TMPRSS7: variants seen among roughly 807,000 people sequenced by gnomAD.
TMPRSS7 encodes the protein transmembrane protease serine 7.
In TMPRSS7, 81 loss-of-function variants were observed where a neutral mutation model predicts 95.6. That is an observed-to-expected ratio of 0.85 (90% CI 0.71 to 1.02). TMPRSS7 has a LOEUF of 1.02. TMPRSS7 is among the 50% of genes least tolerant of loss of function. TMPRSS7 has a pLI of 0.00. For missense variants in TMPRSS7, 945 were observed against 955.2 expected (o/e 0.99, Z 0.14); for synonymous variants, 364 against 337.8 (o/e 1.08, Z -0.85).
At chr3:112,038,343 C>G in intron 2 of TMPRSS7, 22 bp downstream of exon 2, 1 of 698,470 alleles carries the variant, frequency 1.4e-6, no homozygotes, top group Non-Finnish European at 2.6e-6. Context: ...ATCTGTGTTT[C>G]TTTGGGGTTA....
At chr3:112,040,055 A>G (rs2107735710) in intron 2 of TMPRSS7, among the ~76,000 whole-genome samples, 2 of 149,196 alleles carry the variant, frequency 1.3e-5, no homozygotes, top group South Asian at 4.3e-4. Context: ...CCACCCCCAC[A>G]TTTGGTGACA....
At chr3:112,078,367 A>T (rs2073738200) in intron 16 of TMPRSS7, among the ~76,000 whole-genome samples, 1 of 152,236 alleles carries the variant, frequency 6.6e-6, no homozygotes, top group African/African-American at 2.4e-5. Context: ...AGAGACTCCC[A>T]TATATCAGTT....
intron 4 of TMPRSS7, 114 bp downstream of exon 4, chr3:112,044,436 G>A: frequency 2.3e-6 from 2 of 853,896 alleles, no homozygotes; most frequent in Admixed American, 2.0e-5. Context: ...AAGTGGTTGG[G>A]GATTCATACT....
intron 17 of TMPRSS7, among the ~76,000 whole-genome samples, chr3:112,079,524 A>AT (rs1211584567): frequency 1.6e-4 from 24 of 151,534 alleles, no homozygotes; most frequent in Admixed American, 2.6e-4. Context: ...ACATCATGAG[A>AT]TTTTTTTTTG....
intron 9 of TMPRSS7, among the ~76,000 whole-genome samples, chr3:112,052,661 A>G (rs1026208768): frequency 3.3e-5 from 5 of 152,110 alleles, no homozygotes; most frequent in African/African-American, 4.8e-5. Flanking sequence ...AGGGAAAGGA[A>G]ACAAATCTCC....
intron 10 of TMPRSS7, among the ~76,000 whole-genome samples, chr3:112,060,218 C>T (rs1392017148): frequency 1.3e-5 from 2 of 152,126 alleles, no homozygotes. Flanking sequence ...CAAATGGAGG[C>T]AGGGCGAGAT....
chr3:112,066,474 T>C (rs376418894), exon 13 of TMPRSS7: 208 of 1,613,854 alleles, frequency 1.3e-4, no homozygotes, highest in Admixed American at 2.2e-4. Flanking sequence ...ACTGTGAGAA[T>C]GGCCGGGATG....
chr3:112,035,032 T>C, intron 1 of TMPRSS7, 139 bp downstream of exon 1: 1 of 618,308 alleles, frequency 1.6e-6, no homozygotes, highest in Non-Finnish European at 2.9e-6. Flanking sequence ...AATTAATGGG[T>C]TTTACAAATG....
At chr3:112,071,404 A>G (rs1372310384) in intron 13 of TMPRSS7, among the ~76,000 whole-genome samples, 1 of 152,064 alleles carries the variant, frequency 6.6e-6, no homozygotes, top group African/African-American at 2.4e-5. Context: ...CAACCTTGGC[A>G]AATCTGACAA....
At chr3:112,068,249 C>T (rs928215929) in intron 13 of TMPRSS7, among the ~76,000 whole-genome samples, 3 of 152,164 alleles carry the variant, frequency 2.0e-5, no homozygotes, top group African/African-American at 7.2e-5. Context: ...AATTTGAAAT[C>T]AGGTAGCGTG....
intron 13 of TMPRSS7, among the ~76,000 whole-genome samples, chr3:112,070,957 T>C (rs2073638668): frequency 6.6e-6 from 1 of 152,232 alleles, no homozygotes; most frequent in Non-Finnish European, 1.5e-5. Context: ...TTAAGGTTAA[T>C]ATTGTTATGT....
At chr3:112,047,009 T>G in exon 6 of TMPRSS7, 1 of 702,632 alleles carries the variant, frequency 1.4e-6, no homozygotes, top group Non-Finnish European at 2.6e-6. Flanking sequence ...AACCATAGGA[T>G]CTGGTAAATT....
chr3:112,035,933 A>G (rs1047987021), intron 1 of TMPRSS7, among the ~76,000 whole-genome samples: 1 of 152,200 alleles, frequency 6.6e-6, no homozygotes, highest in African/African-American at 2.4e-5. Flanking sequence ...TATTTCATTT[A>G]TAATTGAGAA....
At position 112,045,822 on chromosome 3, in the gene TMPRSS7, C is replaced by T. The variant is rs780510102; in HGVS notation, c.570C>T (p.Ile190=). The T allele has an allele frequency of 2.7e-5, 42 of 1,551,650 alleles. No homozygotes were observed. In the South Asian group the frequency reaches 4.9e-4, roughly 18 times the overall value. The stretch of plus-strand genomic sequence containing the variant: ...TCATGCCACGTGCCAAAGGCCACAT[C>T]TTCTGTGAAGACTGTGTTGCCGCCA... The change falls in exon 5 of 18, where the codon ATC becomes ATT. Residue 190 remains isoleucine (I), a synonymous_variant. Transcript: ENST00000452346.
Position 112,047,982 on chromosome 3 carries a change from C to T in TMPRSS7, c.959+15C>T, listed in dbSNP as rs2073301121. 7 of 1,603,432 alleles carry T rather than the reference C, an allele frequency of 4.4e-6. No homozygotes were observed. The highest frequency in any genetic ancestry group is 6.0e-6 in the Non-Finnish European group (7 of 1,170,514). Reference sequence around the variant, plus strand: ...ATCTTGTACAGGTACGATGCAGGTACTCTTCTTGGTGGGTAAAAATATTTT... The same window carrying T: ...ATCTTGTACAGGTACGATGCAGGTATTCTTCTTGGTGGGTAAAAATATTTT... On this transcript the variant is annotated intron_variant, in intron 7 of 17. Transcript: ENST00000452346.
intron 2 of TMPRSS7, among the ~76,000 whole-genome samples, chr3:112,039,064 G>T (rs2073180496): frequency 6.6e-6 from 1 of 152,136 alleles, no homozygotes; most frequent in Non-Finnish European, 1.5e-5. Context: ...GCTCCATTTT[G>T]CACATGCATC....
chr3:112,057,340 C>T (rs1412550108), intron 10 of TMPRSS7, among the ~76,000 whole-genome samples: 2 of 152,212 alleles, frequency 1.3e-5, no homozygotes, highest in African/African-American at 4.8e-5. Flanking sequence ...TGCCCCACCA[C>T]TGCTCTCTGC....
chr3:112,050,734 A>C (rs1339808122), exon 9 of TMPRSS7: 1 of 1,605,064 alleles, frequency 6.2e-7, no homozygotes, highest in Non-Finnish European at 8.5e-7. Flanking sequence ...TCAAGCCCAT[A>C]TTACCCGAGC....
intron 1 of TMPRSS7, among the ~76,000 whole-genome samples, chr3:112,035,519 C>T (rs1174257729): frequency 1.3e-5 from 2 of 152,072 alleles, no homozygotes; most frequent in Non-Finnish European, 2.9e-5. Context: ...AGATTAAAGA[C>T]TGGAGGGCAT....
Sources: gnomAD v4.1 joint callset for allele counts (sites outside exome capture counted in the v4.1 genomes callset) on GRCh38, gnomAD v4.1.1 for gene constraint, MANE v1.5 for transcripts, NCBI Gene and HGNC (gene_info 2026-07-23, HGNC 2026-07-21) for gene names.